PCDHGA1: variants seen among roughly 807,000 people sequenced by gnomAD.
PCDHGA1 encodes the protein protocadherin gamma subfamily A, 1, also known as protocadherin gamma-A1.
In PCDHGA1, 32 loss-of-function variants were observed where a neutral mutation model predicts 58.0. The observed-to-expected ratio is 0.55, with a 90% confidence interval of 0.42 to 0.74. PCDHGA1 has a LOEUF of 0.74. Among genes scored for constraint, PCDHGA1 ranks in the 30% least tolerant of loss-of-function variants. The pLI is 0.00. For synonymous variants in PCDHGA1, 498 were observed against 501.1 expected, an observed-to-expected ratio of 0.99 and a Z score of 0.08; for missense variants, 1,205 against 1,182.3, an observed-to-expected ratio of 1.02 and a Z score of -0.28.
At chr5:141,419,529 A>G (rs2096395609) in intron 1 of PCDHGA1, 2 of 1,612,082 alleles carry the variant, frequency 1.2e-6, no homozygotes, top group Non-Finnish European at 1.7e-6. Context: ...GACCGTAACG[A>G]CAACGCACCG....
intron 1 of PCDHGA1, among the ~76,000 whole-genome samples, chr5:141,471,046 CT>C (rs1170588345): frequency 0.24 from 27,253 of 113,216 alleles, 2,739 homozygotes; most frequent in African/African-American, 0.39. Context: ...CCCAAGCCCT[CT>C]TTTTTTTTTT....
chr5:141,494,671 C>T, intron 1 of PCDHGA1, 136 bp from the exon 2 acceptor site: 1 of 1,532,340 alleles, frequency 6.5e-7, no homozygotes, highest in East Asian at 2.4e-5. Context: ...GAGATGAGTC[C>T]ACCCCTGCCC....
At chr5:141,448,263 A>G (rs2098578874) in intron 1 of PCDHGA1, among the ~76,000 whole-genome samples, 1 of 152,088 alleles carries the variant, frequency 6.6e-6, no homozygotes, top group Non-Finnish European at 1.5e-5. Flanking sequence ...ATTTTACAGT[A>G]TATATACTGT....
intron 1 of PCDHGA1, among the ~76,000 whole-genome samples, chr5:141,433,789 A>G (rs1388423731): frequency 6.7e-6 from 1 of 148,972 alleles, no homozygotes; most frequent in Non-Finnish European, 1.5e-5. Flanking sequence ...ATGAGCTGAG[A>G]TTGTGCCATT....
intron 1 of PCDHGA1, chr5:141,344,198 GC>G: frequency 6.2e-7 from 1 of 1,614,034 alleles, no homozygotes; most frequent in South Asian, 1.1e-5. Context: ...TGGGGCTAGA[GC>G]CCCGGGAGCT....
chr5:141,394,069 A>G (rs1054107584), intron 1 of PCDHGA1: 1 of 1,613,862 alleles, frequency 6.2e-7, no homozygotes, highest in African/African-American at 1.3e-5. Context: ...TCTATCTACA[A>G]TATCACAGTG....
intron 1 of PCDHGA1, chr5:141,398,010 G>T (rs10045443): frequency 0.24 from 331,899 of 1,407,782 alleles, 42,930 homozygotes; most frequent in African/African-American, 0.51. Flanking sequence ...AAAAAGAATC[G>T]TTTCCTAAAC....
intron 1 of PCDHGA1, among the ~76,000 whole-genome samples, chr5:141,443,156 A>G (rs1059029): frequency 0.29 from 44,047 of 151,812 alleles, 7,376 homozygotes; most frequent in African/African-American, 0.47. Flanking sequence ...ACTGCATTTT[A>G]TTTCCCTACC....
chr5:141,482,126 A>G (rs1235540230), intron 1 of PCDHGA1, among the ~76,000 whole-genome samples: 1 of 152,004 alleles, frequency 6.6e-6, no homozygotes, highest in Non-Finnish European at 1.5e-5. Flanking sequence ...TGGGAGAATC[A>G]TATGGCTGGC....
chr5:141,376,701 A>G (rs1226810157), intron 1 of PCDHGA1: 2 of 567,970 alleles, frequency 3.5e-6, no homozygotes, highest in African/African-American at 3.9e-5. Context: ...TTTTTTTGAG[A>G]CGGAGTCTCG....
rs773942024 is a variant in PCDHGA1, at chr5:141,433,234, C to G, written c.2422-61573C>G. 3.3e-6 allele frequency: 5 copies of G among 1,512,860 alleles called. No homozygotes were observed. In the South Asian group the frequency reaches 5.0e-5, roughly 15 times the overall value. The allele number at this position is 1,512,860 out of a possible 1,614,324, so 93.7% of individuals were successfully genotyped here. A position where few individuals can be genotyped will look rare whatever the true frequency, so the allele number is the denominator to read the frequency against. On this transcript the variant is annotated intron_variant, in intron 1 of 3. Coordinates refer to ENST00000517417, the MANE Select transcript of PCDHGA1 (RefSeq NM_018912.3). ...TTTTTTTTTTTTAATTGCTCTGTCT[C>G]CCAAGCTGGAATGCAGCGGTACGAT...
In PCDHGA1 at chr5:141,489,449, A is replaced by G; in HGVS notation, c.2422-5358A>G. The G allele has an allele frequency of 6.2e-7, 1 of 1,614,056 alleles. No homozygotes were observed. Among genetic ancestry groups the G allele is most frequent in the Non-Finnish European group, 8.5e-7 (1 of 1,180,016 alleles). On this transcript the variant is annotated intron_variant, in intron 1 of 3. Coordinates refer to ENST00000517417, the MANE Select transcript of PCDHGA1 (RefSeq NM_018912.3). This position sits in a 1 kb window ranked among gnomAD's most constrained non-coding sequence, Gnocchi z 4.5. ...CGGCGGCTGCAATTGGGCTCTGAGG[A>G]GAATGGGCGCTATTTTTCCCTGAGC...
rs534816363 is a variant in PCDHGA1, at chr5:141,456,234, G to T, written c.2422-38573G>T. Among the ~76,000 whole-genome samples the T allele has an allele frequency of 2.2e-4, 33 of 152,224 alleles. 1 individual carries two copies. The South Asian group carries it at 6.9e-3, about 32-fold the overall frequency. On this transcript the variant is annotated intron_variant, in intron 1 of 3. Transcript: ENST00000517417. ...CTGTGGCGATATCAAACTAACTGCT[G>T]TTAGGAGGCTTTGGGCGACCATTGC...
intron 1 of PCDHGA1, chr5:141,405,045 C>T (rs757899891): frequency 6.2e-7 from 1 of 1,613,918 alleles, no homozygotes. Context: ...GTGGCTGTGG[C>T]AGTCGTCTCC....
Position 141,433,359 on chromosome 5 carries a change from CTAT to C in PCDHGA1, c.2422-61447_2422-61445del, listed in dbSNP as rs2097588942. 4 of 228,708 alleles carry C rather than the reference CTAT, an allele frequency of 1.7e-5. No homozygotes were observed. In the African/African-American group the frequency reaches 3.4e-4, roughly 19 times the overall value. The allele number at this position is 228,708 out of a possible 1,614,324, so 14.2% of individuals were successfully genotyped here. ...CAGGTGCAAGCCACCTACTGTCTGC[CTAT>C]CTATCTATCTATCTATCTATCTATC... On this transcript the variant is annotated intron_variant, in intron 1 of 3. Coordinates refer to ENST00000517417, the MANE Select transcript of PCDHGA1 (RefSeq NM_018912.3).
At chr5:141,374,714 G>T (rs1236113306) in intron 1 of PCDHGA1, 1 of 1,609,850 alleles carries the variant, frequency 6.2e-7, no homozygotes, top group Non-Finnish European at 8.5e-7. Flanking sequence ...TTACCGCCTG[G>T]TCCTTACTGC....
chr5:141,339,863 T>G, intron 1 of PCDHGA1: 1 of 1,614,164 alleles, frequency 6.2e-7, no homozygotes, highest in Non-Finnish European at 8.5e-7. Flanking sequence ...TAAGTCAACA[T>G]CTGGAGAACT....
At chr5:141,435,593 G>A (rs183768133) in intron 1 of PCDHGA1, among the ~76,000 whole-genome samples, 9 of 152,112 alleles carry the variant, frequency 5.9e-5, no homozygotes, top group Admixed American at 2.6e-4. Flanking sequence ...CAGTAATATC[G>A]CCTGCTTTTT....
intron 1 of PCDHGA1, chr5:141,356,962 G>C: frequency 6.2e-7 from 1 of 1,614,224 alleles, no homozygotes; most frequent in Non-Finnish European, 8.5e-7. Context: ...CGGCTACCTG[G>C]TGACCAAAGT....
Sources: allele counts gnomAD v4.1 joint callset (sites outside exome capture counted in the v4.1 genomes callset), GRCh38; gene constraint gnomAD v4.1.1; non-coding constraint Gnocchi (gnomAD v3.1); transcripts MANE v1.5; gene names NCBI Gene and HGNC (gene_info 2026-07-23, HGNC 2026-07-21).